The following KANSL3 variants were observed in gnomAD, a reference collection of about 807,000 sequenced individuals.
The protein encoded by KANSL3 is NSL complex protein NSL3.
KANSL3 carries 16 observed loss-of-function variants against 89.2 expected under a neutral mutation model. That is an observed-to-expected ratio of 0.18 (90% CI 0.12 to 0.27). The LOEUF is 0.27. KANSL3 is among the 10% of genes least tolerant of loss of function. The pLI is 1.00. For synonymous variants in KANSL3, 385 were observed against 419.7 expected, an observed-to-expected ratio of 0.92 and a Z score of 1.01; for missense variants, 879 against 1,110.6, an observed-to-expected ratio of 0.79 and a Z score of 2.96.
At chr2:96,596,033 GA>G (rs1558642496) in intron 20 of KANSL3, among the ~76,000 whole-genome samples, 1 of 152,172 alleles carries the variant, frequency 6.6e-6, no homozygotes, top group Admixed American at 6.5e-5. Context: ...AAGGAATGCA[GA>G]AAAAAGGAAA....
In KANSL3 at chr2:96,636,809, T is replaced by A. The variant is rs1003557788; in HGVS notation, c.215+112A>T. 4.4e-5 allele frequency: 40 copies of A among 902,446 alleles called. No homozygotes were observed. The East Asian group carries it at 1.1e-3, about 25-fold the overall frequency. 55.9% of individuals were successfully genotyped at this position (902,446 alleles called of 1,614,324 possible). ...GCTTAAGAGATGCCTGAATTTAACA[T>A]CCAAATGCCTCATACAATCTCCCCC... On this transcript the variant is annotated intron_variant, in intron 2 of 20. Transcript: ENST00000431828.
chr2:96,634,333 C>T (rs1315261258), intron 2 of KANSL3, among the ~76,000 whole-genome samples: 3 of 152,136 alleles, frequency 2.0e-5, no homozygotes, highest in Non-Finnish European at 4.4e-5. Context: ...ACGAGCCTGA[C>T]CAACATGGTG....
chr2:96,634,201 T>G (rs2073914068), intron 2 of KANSL3: 2 of 152,166 alleles, frequency 1.3e-5, no homozygotes, highest in African/African-American at 4.8e-5. Flanking sequence ...CAAATATAAA[T>G]GAACATCTAA....
intron 3 of KANSL3, among the ~76,000 whole-genome samples, chr2:96,625,702 A>C (rs1205318426): frequency 6.6e-6 from 1 of 152,218 alleles, no homozygotes; most frequent in Non-Finnish European, 1.5e-5. Context: ...AAAATCCCAG[A>C]AAAAGTTCTT....
At chr2:96,600,998 A>C in intron 20 of KANSL3, 1 of 642,238 alleles carries the variant, frequency 1.6e-6, no homozygotes, top group South Asian at 7.0e-5. Context: ...CTTAAAAACA[A>C]AGAAAGGGCC....
At chr2:96,601,453 G>C (rs1415787897) in intron 20 of KANSL3, 190 bp downstream of exon 20, 1 of 1,371,590 alleles carries the variant, frequency 7.3e-7, no homozygotes, top group African/African-American at 1.5e-5. Context: ...GAGGGATGTA[G>C]AAGAGGAAGC....
intron 3 of KANSL3, among the ~76,000 whole-genome samples, chr2:96,621,492 T>A (rs2071262037): frequency 6.7e-6 from 1 of 149,428 alleles, no homozygotes. Flanking sequence ...CCAGCCTGGG[T>A]GACAGAGTGA....
intron 5 of KANSL3, among the ~76,000 whole-genome samples, chr2:96,618,000 A>T (rs1469524677): frequency 1.3e-5 from 2 of 150,936 alleles, no homozygotes; most frequent in Non-Finnish European, 1.5e-5. Flanking sequence ...AAAAAAAAAA[A>T]AATTTCTTTG....
chr2:96,612,470 C>T lies in KANSL3; in HGVS notation c.1006G>A (p.Val336Met), dbSNP rs1282689008. 2 of 1,613,778 alleles carry T rather than the reference C, an allele frequency of 1.2e-6. No individual in the cohort carries two copies. The highest frequency in any genetic ancestry group is 2.2e-5 in the South Asian group (2 of 91,080). ...AATACGGGCATTCTCACCTCCAGCACTTTGCTTCTCACTGCCCCAATCATA... is the reference window on the plus strand; with the variant it reads ...AATACGGGCATTCTCACCTCCAGCATTTTGCTTCTCACTGCCCCAATCATA... ...EHMIGAVRSK[V>M]LEIHSHFPHK... The change falls in exon 8 of 21, where the codon GTG becomes ATG. Residue 336 changes from valine to methionine, a missense_variant. Physicochemically the swap from Val to Met is conservative, Grantham distance 21. Around this residue, in one of 6 missense-constraint regions of KANSL3, gnomAD observed 198 missense variants for 260.3 expected, o/e 0.76. Transcript: ENST00000431828.
At chr2:96,595,769 A>T in intron 20 of KANSL3, 138 bp from the exon 21 acceptor site, 1 of 979,610 alleles carries the variant, frequency 1.0e-6, no homozygotes, top group Non-Finnish European at 1.5e-6. Flanking sequence ...AGTTGGATAC[A>T]CAAGGACACA....
intron 3 of KANSL3, among the ~76,000 whole-genome samples, chr2:96,623,316 C>A (rs1047659206): frequency 2.0e-5 from 3 of 152,178 alleles, no homozygotes; most frequent in Non-Finnish European, 4.4e-5. Context: ...CCAAGACAGT[C>A]AAACTGCAAG....
Position 96,619,727 on chromosome 2 carries a change from T to A in KANSL3, c.422A>T (p.Asn141Ile). ...GWTMAQNKLF[N>I]KILKALQSDR... ...AGACTGCAGGGCTTTGAGGATCTTG[T>A]TGAATAGCTTGTTCTGGGCCATTGT... The change falls in exon 4 of 21, where the codon AAC becomes ATC. Residue 141 changes from asparagine (N) to isoleucine (I), a missense_variant. By Grantham distance (149) the Asn-to-Ile change is moderately radical. Coordinates refer to ENST00000431828, the MANE Select transcript of KANSL3 (RefSeq NM_001115016.3). 1 of 1,560,382 alleles carries A rather than the reference T, an allele frequency of 6.4e-7. No homozygotes were observed. The highest frequency in any genetic ancestry group is 8.7e-7 in the Non-Finnish European group (1 of 1,151,840).
At chr2:96,632,960 C>T (rs1481602391) in intron 2 of KANSL3, among the ~76,000 whole-genome samples, 2 of 128,362 alleles carry the variant, frequency 1.6e-5, no homozygotes, top group East Asian at 2.3e-4. Context: ...AGCGAGACTC[C>T]ATCTCAAAAA....
At chr2:96,587,433 C>T in the KANSL3 span, among the ~76,000 whole-genome samples, 1 of 152,188 alleles carries the variant, frequency 6.6e-6, no homozygotes, top group African/African-American at 2.4e-5. Context: ...CTCCCACCTC[C>T]ACCCAGCAGT....
chr2:96,602,691 C>T, intron 18 of KANSL3, 62 bp downstream of exon 18: 1 of 1,388,222 alleles, frequency 7.2e-7, no homozygotes, highest in Middle Eastern at 2.3e-4. Context: ...CTGCCAAAAC[C>T]AACTAAGCTG....
chr2:96,615,700 A>G (rs2069955048), intron 5 of KANSL3, among the ~76,000 whole-genome samples: 1 of 152,264 alleles, frequency 6.6e-6, no homozygotes, highest in South Asian at 2.1e-4. Flanking sequence ...AAAAACAGGG[A>G]CACTAAAAGG....
Position 96,602,270 on chromosome 2 carries a change from A to C in KANSL3, c.2328T>G (p.Ile776Met). ...LGAITTGTST[I>M]VRTIPVATTL... ...TGGTGGCCACAGGAATGGTACGGAC[A>C]ATGGTGCTGGTGCCCGTGGTGATGG... The change falls in exon 19 of 21, where the codon ATT becomes ATG. Residue 776 changes from isoleucine (I) to methionine (M), a missense_variant. Physicochemically the swap from Ile to Met is conservative, Grantham distance 10 (BLOSUM62 1). Transcript: ENST00000431828. 1 of 1,612,710 alleles carries C rather than the reference A, an allele frequency of 6.2e-7. No homozygotes were observed. The highest frequency in any genetic ancestry group is 8.5e-7 in the Non-Finnish European group (1 of 1,179,514).
chr2:96,593,397 C>T lies in KANSL3; in HGVS notation c.*2214G>A, dbSNP rs149078235. On this transcript the variant is annotated 3_prime_UTR_variant, in exon 21 of 21. Transcript: ENST00000431828. ...TTCCTGATCCTTCCACATTTTCTATCAATAATATTGCCTTCTGAGGTTATG... is the reference window on the plus strand; with the variant it reads ...TTCCTGATCCTTCCACATTTTCTATTAATAATATTGCCTTCTGAGGTTATG... 1 of 447,356 alleles carries T rather than the reference C, an allele frequency of 2.2e-6. No individual in the cohort carries two copies. Among genetic ancestry groups the T allele is most frequent in the Admixed American group, 2.4e-5 (1 of 41,612 alleles). 27.7% of individuals were successfully genotyped at this position (447,356 alleles called of 1,614,324 possible).
At chr2:96,606,922 G>A in intron 14 of KANSL3, 1 of 1,052,286 alleles carries the variant, frequency 9.5e-7, no homozygotes, top group Non-Finnish European at 1.3e-6. Flanking sequence ...ATAAGGGGTT[G>A]AGGAGCAGAA....
Sources: gnomAD v4.1 joint callset for allele counts (sites outside exome capture counted in the v4.1 genomes callset) on GRCh38, gnomAD v4.1.1 for gene constraint, gnomAD v4.1.1 regional missense constraint, MANE v1.5 for transcripts, NCBI Gene and HGNC (gene_info 2026-07-23, HGNC 2026-07-21) for gene names.